NDST3: variants seen among roughly 807,000 people sequenced by gnomAD.
The protein encoded by NDST3 is bifunctional heparan sulfate N-deacetylase/N-sulfotransferase 3.
A neutral mutation model predicts 96.1 loss-of-function variants in NDST3; 58 were observed. That is an observed-to-expected ratio of 0.60 (90% CI 0.49 to 0.75). NDST3 has a LOEUF of 0.75. Among genes scored for constraint, NDST3 ranks in the 30% least tolerant of loss-of-function variants. The pLI, the probability that NDST3 is intolerant of heterozygous loss-of-function variation, is 0.00. For missense variants in NDST3, 788 were observed against 1,034.2 expected, an observed-to-expected ratio of 0.76 and a Z score of 3.27; for synonymous variants, 333 against 359.7, an observed-to-expected ratio of 0.93 and a Z score of 0.84.
intron 6 of NDST3, among the ~76,000 whole-genome samples, chr4:118,217,431 G>C (rs1307756991): frequency 6.6e-6 from 1 of 152,088 alleles, no homozygotes; most frequent in African/African-American, 2.4e-5. Flanking sequence ...AGCATCATTA[G>C]AATATCCTTT....
At position 118,148,115 on chromosome 4, in the gene NDST3, G is replaced by A. The variant is rs113347373; in HGVS notation, c.1539+4431G>A. Among the ~76,000 whole-genome samples, 104 of 152,222 alleles carry A rather than the reference G, an allele frequency of 6.8e-4. 1 individual carries two copies. Among genetic ancestry groups the A allele is most frequent in the African/African-American group, 2.1e-3 (88 of 41,532 alleles). On this transcript the variant is annotated intron_variant, in intron 6 of 13. Coordinates refer to ENST00000296499, the MANE Select transcript of NDST3 (RefSeq NM_004784.3). ...AGATCAAGACCATCCTGGCTAACACGGTGAAACCCTGTCTCTACTAAAAAT... is the reference window on the plus strand; with the variant it reads ...AGATCAAGACCATCCTGGCTAACACAGTGAAACCCTGTCTCTACTAAAAAT...
At chr4:118,199,814 G>C (rs1737946220) in intron 6 of NDST3, among the ~76,000 whole-genome samples, 1 of 152,080 alleles carries the variant, frequency 6.6e-6, no homozygotes, top group Non-Finnish European at 1.5e-5. Flanking sequence ...GACTCATAGA[G>C]GTACTGCCTT....
intron 1 of NDST3, among the ~76,000 whole-genome samples, chr4:118,041,909 A>C (rs147039968): frequency 1.3e-5 from 2 of 152,324 alleles, no homozygotes; most frequent in Admixed American, 1.3e-4. Context: ...TAGACAAATA[A>C]TATTGTTAAT....
chr4:118,251,260 G>A (rs13114249), intron 12 of NDST3, among the ~76,000 whole-genome samples: 3,148 of 150,440 alleles, frequency 0.021, 125 homozygotes, highest in African/African-American at 0.072. Flanking sequence ...CCAAGTAGCT[G>A]GGACTACAGG....
chr4:118,106,576 C>T (rs1730201791), intron 3 of NDST3, among the ~76,000 whole-genome samples: 1 of 151,782 alleles, frequency 6.6e-6, no homozygotes, highest in Non-Finnish European at 1.5e-5. Context: ...ATCTGTGATA[C>T]ATCTGGAATT....
At chr4:118,143,226 C>A (rs995061487) in intron 5 of NDST3, among the ~76,000 whole-genome samples, 1 of 152,044 alleles carries the variant, frequency 6.6e-6, no homozygotes, top group Non-Finnish European at 1.5e-5. Flanking sequence ...TTTAAAGTCT[C>A]ATTTTTACTT....
intron 6 of NDST3, among the ~76,000 whole-genome samples, chr4:118,201,178 T>C (rs140753743): frequency 6.6e-6 from 1 of 152,360 alleles, no homozygotes; most frequent in East Asian, 1.9e-4. Flanking sequence ...CTTTATTCAA[T>C]CCACCACTGA....
intron 6 of NDST3, among the ~76,000 whole-genome samples, chr4:118,172,652 T>C (rs1736025770): frequency 6.6e-6 from 1 of 152,186 alleles, no homozygotes; most frequent in African/African-American, 2.4e-5. Context: ...CTCTTCCATA[T>C]TTTTTAATTT....
chr4:118,094,175 C>CTACT (rs1211084311), intron 2 of NDST3, among the ~76,000 whole-genome samples: 1 of 151,858 alleles, frequency 6.6e-6, no homozygotes, highest in African/African-American at 2.4e-5. Flanking sequence ...ACTAACTTTA[C>CTACT]TACTTGCTTC....
chr4:118,102,892 A>T (rs1035539847), intron 2 of NDST3, among the ~76,000 whole-genome samples: 1 of 152,098 alleles, frequency 6.6e-6, no homozygotes, highest in Non-Finnish European at 1.5e-5. Context: ...ATCTGTTTCA[A>T]TGTATCTTTT....
At chr4:118,095,572 T>TTGA (rs1273422787) in intron 2 of NDST3, among the ~76,000 whole-genome samples, 1 of 151,742 alleles carries the variant, frequency 6.6e-6, no homozygotes, top group East Asian at 1.9e-4. Flanking sequence ...TTTGTGGTTG[T>TTGA]TGATGCAGGT....
rs111288461 is a variant in NDST3 at position 118,202,748 on chromosome 4, A to T, written c.1540-21743A>T. Among the ~76,000 whole-genome samples the T allele has an allele frequency of 7.7e-4, 118 of 152,324 alleles. 2 individuals are homozygous for T. The highest frequency in any genetic ancestry group is 2.5e-3 in the African/African-American group (106 of 41,576). On this transcript the variant is annotated intron_variant, in intron 6 of 13. Transcript: ENST00000296499. ...TTTAGGATTTTCTAGGTATAGAATT[A>T]TGTTATCAGCAAACAGGGAGAGTTT...
chr4:118,043,796 CA>C (rs1217593991), intron 1 of NDST3, among the ~76,000 whole-genome samples: 1 of 152,128 alleles, frequency 6.6e-6, no homozygotes, highest in African/African-American at 2.4e-5. Context: ...GAATCTGCAC[CA>C]GAGACTGAAG....
At position 118,053,768 on chromosome 4, in the gene NDST3, G is replaced by A. The variant is rs1006695485; in HGVS notation, c.-143G>A. The A allele has an allele frequency of 1.2e-6, 1 of 829,356 alleles. No individual in the cohort carries two copies. The highest frequency in any genetic ancestry group is 1.8e-6 in the Non-Finnish European group (1 of 551,068). 51.4% of individuals were successfully genotyped at this position (829,356 alleles called of 1,614,324 possible). A position where few individuals can be genotyped will look rare whatever the true frequency, so the allele number is the denominator to read the frequency against. On this transcript the variant is annotated 5_prime_UTR_variant, in exon 2 of 14. The change creates a new upstream start codon in the 5' untranslated region. Transcript: ENST00000296499. The stretch of plus-strand genomic sequence containing the variant: ...TTCTATTTTTCAGACTGTATTTTCT[G>A]TGAGTCCTGATCAAGTGATACAAAT...
chr4:118,231,525 A>T (rs1740296298), intron 8 of NDST3, among the ~76,000 whole-genome samples: 1 of 151,768 alleles, frequency 6.6e-6, no homozygotes, highest in Non-Finnish European at 1.5e-5. Flanking sequence ...CTGAAAAATA[A>T]GAAAATTCAA....
chr4:118,067,929 A>G (rs1230435697), intron 2 of NDST3, among the ~76,000 whole-genome samples: 3 of 152,026 alleles, frequency 2.0e-5, no homozygotes, highest in Non-Finnish European at 2.9e-5. Context: ...GTAAATAAAT[A>G]AATAAAAAGA....
chr4:118,136,523 A>G (rs938443815), intron 4 of NDST3, among the ~76,000 whole-genome samples: 3 of 152,204 alleles, frequency 2.0e-5, no homozygotes, highest in African/African-American at 7.2e-5. Flanking sequence ...AGATATTTCA[A>G]TTCAATTTTT....
At chr4:118,210,179 G>A (rs56258393) in intron 6 of NDST3, among the ~76,000 whole-genome samples, 25,744 of 151,910 alleles carry the variant, frequency 0.17, 2,324 homozygotes, top group South Asian at 0.23. Flanking sequence ...CTCTATCCAC[G>A]GGAGAACAGA....
In NDST3 at chr4:118,053,904, C is replaced by A. The variant is rs771740899; in HGVS notation, c.-7C>A. On this transcript the variant is annotated 5_prime_UTR_variant, in exon 2 of 14. Coordinates refer to ENST00000296499, the MANE Select transcript of NDST3 (RefSeq NM_004784.3). The stretch of plus-strand genomic sequence containing the variant: ...CTGTTGGCATAGTTGGGGAAAGCAC[C>A]TACAACATGAGTTTTATCATGAAGC... The A allele has an allele frequency of 1.9e-6, 3 of 1,583,992 alleles. No homozygotes were observed. Among genetic ancestry groups the A allele is most frequent in the South Asian group, 1.2e-5 (1 of 86,392 alleles).
Sources: gnomAD v4.1 joint callset for allele counts (sites outside exome capture counted in the v4.1 genomes callset) on GRCh38, gnomAD v4.1.1 for gene constraint, MANE v1.5 for transcripts, NCBI Gene and HGNC (gene_info 2026-07-23, HGNC 2026-07-21) for gene names.